FGGY: variants seen among roughly 807,000 people sequenced by gnomAD.
The protein encoded by FGGY is FGGY carbohydrate kinase domain containing, also known as FGGY carbohydrate kinase domain-containing protein.
A neutral mutation model predicts 71.3 loss-of-function variants in FGGY; 72 were observed. The ratio of observed to expected loss-of-function variants is 1.01; its 90% CI spans 0.84 to 1.23. The LOEUF is 1.23. Ranked by LOEUF, FGGY falls within the 50% of genes most tolerant of loss-of-function variation. The pLI is 0.00. For synonymous variants in FGGY, 251 were observed against 250.3 expected (o/e 1.00, Z -0.02); for missense variants, 668 against 682.3 (o/e 0.98, Z 0.23).
intron 14 of FGGY, among the ~76,000 whole-genome samples, chr1:59,719,858 C>T (rs2097873650): frequency 6.6e-6 from 1 of 152,094 alleles, no homozygotes; most frequent in South Asian, 2.1e-4. Context: ...AGGTTATCCC[C>T]AAAAAGACAT....
chr1:59,466,527 C>A (rs918266227), intron 6 of FGGY, among the ~76,000 whole-genome samples: 3 of 152,180 alleles, frequency 2.0e-5, no homozygotes, highest in African/African-American at 2.4e-5. Context: ...AACTAAAGAG[C>A]TTCTGCACAG....
intron 8 of FGGY, among the ~76,000 whole-genome samples, chr1:59,597,994 G>C (rs1384879340): frequency 6.6e-6 from 1 of 152,202 alleles, no homozygotes; most frequent in Non-Finnish European, 1.5e-5. Context: ...TGCAACTGAT[G>C]AGTATTGTGC....
intron 8 of FGGY, among the ~76,000 whole-genome samples, chr1:59,572,850 A>T (rs1348970212): frequency 6.6e-6 from 1 of 152,202 alleles, no homozygotes; most frequent in Non-Finnish European, 1.5e-5. Flanking sequence ...TCGTTCAGGC[A>T]TTCCTTGGAC....
At chr1:59,444,800 C>T (rs1415916607) in intron 5 of FGGY, among the ~76,000 whole-genome samples, 2 of 152,298 alleles carry the variant, frequency 1.3e-5, no homozygotes, top group Admixed American at 6.5e-5. Context: ...CCTTCCTCCT[C>T]GCAACCCCCA....
At chr1:59,491,581 G>C (rs1000955710) in intron 6 of FGGY, among the ~76,000 whole-genome samples, 1 of 151,850 alleles carries the variant, frequency 6.6e-6, no homozygotes, top group African/African-American at 2.4e-5. Flanking sequence ...TACTGAATTT[G>C]TTGATCAATT....
intron 7 of FGGY, among the ~76,000 whole-genome samples, chr1:59,533,274 C>T (rs368644305): frequency 6.6e-6 from 1 of 152,186 alleles, no homozygotes; most frequent in Non-Finnish European, 1.5e-5. Flanking sequence ...TGACTCCCAC[C>T]CGAATATTGC....
chr1:59,611,780 TA>T (rs1287125343), intron 9 of FGGY, among the ~76,000 whole-genome samples: 1 of 152,106 alleles, frequency 6.6e-6, no homozygotes, highest in Non-Finnish European at 1.5e-5. Context: ...CTAACTAGAA[TA>T]ACCACTGCAG....
intron 1 of FGGY, among the ~76,000 whole-genome samples, chr1:59,308,002 G>T (rs1291986188): frequency 6.6e-6 from 1 of 151,700 alleles, no homozygotes; most frequent in African/African-American, 2.4e-5. Context: ...TCTCCAGGAA[G>T]GGAGAGGGAA....
chr1:59,319,391 A>G (rs2045989839), intron 1 of FGGY, among the ~76,000 whole-genome samples: 2 of 152,350 alleles, frequency 1.3e-5, no homozygotes, highest in Non-Finnish European at 1.5e-5. Flanking sequence ...ACAGAAATCA[A>G]TAAGTTCATT....
chr1:59,645,765 C>T (rs546418182), intron 11 of FGGY, among the ~76,000 whole-genome samples: 2 of 152,328 alleles, frequency 1.3e-5, no homozygotes, highest in South Asian at 2.1e-4. Context: ...ACCTTGGAGA[C>T]ATATCAGGCC....
At chr1:59,478,172 G>A (rs1253484912) in intron 6 of FGGY, among the ~76,000 whole-genome samples, 2 of 152,174 alleles carry the variant, frequency 1.3e-5, no homozygotes, top group Non-Finnish European at 1.5e-5. Flanking sequence ...TGCAGGCCTC[G>A]TGGGAACAAT....
chr1:59,341,960 G>A (rs1200328364), intron 3 of FGGY, among the ~76,000 whole-genome samples: 2 of 152,122 alleles, frequency 1.3e-5, no homozygotes. Flanking sequence ...AGAGCAATTG[G>A]CACGAGTGGG....
intron 8 of FGGY, among the ~76,000 whole-genome samples, chr1:59,581,551 T>C (rs2096194957): frequency 6.8e-6 from 1 of 146,638 alleles, no homozygotes; most frequent in Non-Finnish European, 1.5e-5. Flanking sequence ...GCTGTGGCTG[T>C]GGCTTATTCA....
chr1:59,410,325 T>C (rs1488003038), intron 5 of FGGY, among the ~76,000 whole-genome samples: 1 of 152,204 alleles, frequency 6.6e-6, no homozygotes, highest in Non-Finnish European at 1.5e-5. Context: ...CATGTTCTTC[T>C]AGGTTAACCT....
At chr1:59,500,695 CAT>C (rs2094198454) in intron 6 of FGGY, among the ~76,000 whole-genome samples, 2 of 112,118 alleles carry the variant, frequency 1.8e-5, no homozygotes, top group Admixed American at 8.9e-5. Context: ...AAGGAAGAAA[CAT>C]GTAAAAAGAC....
At chr1:59,652,099 G>A (rs1242258564) in intron 11 of FGGY, among the ~76,000 whole-genome samples, 1 of 152,086 alleles carries the variant, frequency 6.6e-6, no homozygotes, top group Non-Finnish European at 1.5e-5. Context: ...CTTCTGGCTT[G>A]TAGGGTTTCT....
At chr1:59,674,243 T>C in intron 14 of FGGY, 110 bp downstream of exon 14, 1 of 754,766 alleles carries the variant, frequency 1.3e-6, no homozygotes, top group Non-Finnish European at 2.2e-6. Flanking sequence ...AATTAAGAAA[T>C]GATAGGTTCC....
At chr1:59,617,197 A>G (rs1432237337) in intron 9 of FGGY, among the ~76,000 whole-genome samples, 1 of 152,094 alleles carries the variant, frequency 6.6e-6, no homozygotes, top group Admixed American at 6.6e-5. Flanking sequence ...TAAATACACC[A>G]CCTAAAGCAT....
chr1:59,491,940 T>G (rs777983378), intron 6 of FGGY, among the ~76,000 whole-genome samples: 2 of 152,194 alleles, frequency 1.3e-5, no homozygotes, highest in Non-Finnish European at 2.9e-5. Context: ...TCGTTCTTAT[T>G]GGAGTCAATG....
Sources: allele counts gnomAD v4.1 joint callset (sites outside exome capture counted in the v4.1 genomes callset), GRCh38; gene constraint gnomAD v4.1.1; transcripts MANE v1.5; gene names NCBI Gene and HGNC (gene_info 2026-07-23, HGNC 2026-07-21).